The following PRKN variants were observed in gnomAD, a reference collection of about 807,000 sequenced individuals.
PRKN encodes the protein parkin RBR E3 ubiquitin protein ligase.
In PRKN, 56 loss-of-function variants were observed where a neutral mutation model predicts 59.5. That is an observed-to-expected ratio of 0.94 (90% CI 0.76 to 1.18). PRKN has a LOEUF of 1.18. Among genes scored for constraint, PRKN ranks in the 50% most tolerant of loss-of-function variants. The pLI, the probability that PRKN is intolerant of heterozygous loss-of-function variation, is 0.00. For missense variants in PRKN, 657 were observed against 596.4 expected (o/e 1.10, Z -1.06); for synonymous variants, 250 against 222.1 (o/e 1.13, Z -1.12).
chr6:161,944,040 A>G (rs1562407593), intron 6 of PRKN, among the ~76,000 whole-genome samples: 1 of 143,966 alleles, frequency 6.9e-6, no homozygotes, highest in Non-Finnish European at 1.5e-5. Flanking sequence ...AATCAGCCTG[A>G]GGGACCAGCC....
intron 1 of PRKN, among the ~76,000 whole-genome samples, chr6:162,610,242 C>T (rs1782091566): frequency 6.6e-6 from 1 of 152,208 alleles, no homozygotes; most frequent in Non-Finnish European, 1.5e-5. Context: ...GTATGTAAAT[C>T]ATCCAAGGTC....
rs538627675 is a variant in PRKN, at chr6:162,076,094, T to C, written c.535-21920A>G. 4.8e-3 allele frequency among the ~76,000 whole-genome samples: 724 copies of C among 150,882 alleles called. 15 individuals carry two copies. Among genetic ancestry groups the C allele is most frequent in the African/African-American group, 0.016 (675 of 40,990 alleles). On this transcript the variant is annotated intron_variant, in intron 4 of 11. Coordinates refer to ENST00000366898, the MANE Select transcript of PRKN (RefSeq NM_004562.3). ...AGTGATTCTCCTGCCTCAACCTCCC[T>C]AGTAGCTGGGATTATAGGCATGTGC...
chr6:161,382,989 A>G (rs1338140917), intron 10 of PRKN, among the ~76,000 whole-genome samples: 2 of 152,220 alleles, frequency 1.3e-5, no homozygotes, highest in Admixed American at 6.5e-5. Context: ...ACTGAATGGA[A>G]TTGAAAGAAA....
intron 9 of PRKN, among the ~76,000 whole-genome samples, chr6:161,496,738 T>C (rs1163799790): frequency 1.3e-5 from 2 of 152,094 alleles, no homozygotes; most frequent in East Asian, 3.9e-4. Context: ...CCAAAGTAGG[T>C]TGGCTCTAAC....
intron 7 of PRKN, among the ~76,000 whole-genome samples, chr6:161,727,698 C>T (rs140149432): frequency 5.5e-4 from 84 of 152,288 alleles, no homozygotes; most frequent in Middle Eastern, 6.8e-3. Flanking sequence ...CAACTTAACA[C>T]ACAGGCATCA....
intron 3 of PRKN, among the ~76,000 whole-genome samples, chr6:162,214,409 G>T (rs1020562742): frequency 2.0e-5 from 3 of 152,086 alleles, no homozygotes; most frequent in African/African-American, 7.2e-5. Context: ...GTGTAGTTGG[G>T]GATGGCAGCC....
intron 3 of PRKN, among the ~76,000 whole-genome samples, chr6:162,225,694 G>A (rs1355447947): frequency 6.6e-6 from 1 of 151,922 alleles, no homozygotes; most frequent in Non-Finnish European, 1.5e-5. Flanking sequence ...TAATAAATGT[G>A]CTTTGACCAA....
chr6:161,974,160 G>T (rs969467973), intron 5 of PRKN, among the ~76,000 whole-genome samples: 1 of 152,110 alleles, frequency 6.6e-6, no homozygotes, highest in South Asian at 2.1e-4. Flanking sequence ...CTAGCTACTC[G>T]AGAGGCTGAG....
intron 7 of PRKN, among the ~76,000 whole-genome samples, chr6:161,656,475 C>A (rs923871272): frequency 1.3e-5 from 2 of 152,206 alleles, no homozygotes; most frequent in Non-Finnish European, 2.9e-5. Context: ...GCACTCTCTG[C>A]AGCACCCCCC....
rs552190433 is a variant in PRKN, at chr6:161,992,915, T to C, written c.619-19498A>G. On this transcript the variant is annotated intron_variant, in intron 5 of 11. Coordinates refer to ENST00000366898, the MANE Select transcript of PRKN (RefSeq NM_004562.3). ...AAAAATTTCTTGAGAGAATTAAAAA[T>C]GGAAATGTAATATATTAAAACCCGT... 3.2e-3 allele frequency among the ~76,000 whole-genome samples: 488 copies of C among 152,138 alleles called. 3 individuals are homozygous for C. The highest frequency in any genetic ancestry group is 5.3e-3 in the Non-Finnish European group (362 of 67,982).
At position 161,546,519 on chromosome 6, in the gene PRKN, G is replaced by C. The variant is rs188333200; in HGVS notation, c.1083+2335C>G. Among the ~76,000 whole-genome samples the C allele has an allele frequency of 1.8e-4, 28 of 152,312 alleles. No individual in the cohort carries two copies. The highest frequency in any genetic ancestry group is 1.1e-3 in the Admixed American group (17 of 15,300). On this transcript the variant is annotated intron_variant, in intron 9 of 11. Coordinates refer to ENST00000366898, the MANE Select transcript of PRKN (RefSeq NM_004562.3). This position sits in a 1 kb window ranked among gnomAD's most constrained non-coding sequence, Gnocchi z 4.4. ...GGACATAAGCTTGCAAAAGTGTATG[G>C]AGACTGGGGCAAAAAGACAGGGAGG...
At chr6:161,702,231 T>A (rs1324649393) in intron 7 of PRKN, among the ~76,000 whole-genome samples, 1 of 152,044 alleles carries the variant, frequency 6.6e-6, no homozygotes, top group Non-Finnish European at 1.5e-5. Flanking sequence ...CTACCAAAAT[T>A]AGGTAAAAAG....
rs115979402 is a variant in PRKN, at chr6:161,569,288, C to A, written c.933+67G>T. The A allele has an allele frequency of 2.2e-3, 3,161 of 1,441,688 alleles. 63 individuals are homozygous for A. The African/African-American group carries it at 0.039, about 18-fold the overall frequency. 89.3% of individuals were successfully genotyped at this position (1,441,688 alleles called of 1,614,324 possible). ...AGACATACTCGGCCTCCCTGGGGAG[C>A]CCAAACTGTCTCATTAGCGTCTATC... is the stretch of plus-strand genomic sequence containing the variant. On this transcript the variant is annotated intron_variant, in intron 8 of 11. Coordinates refer to ENST00000366898, the MANE Select transcript of PRKN (RefSeq NM_004562.3).
Position 161,934,648 on chromosome 6 carries a change from A to G in PRKN, c.734+38654T>C, listed in dbSNP as rs904789081. On this transcript the variant is annotated intron_variant, in intron 6 of 11. Transcript: ENST00000366898. ...AGGGCAAAAAATGTTGCCTCACTTA[A>G]GGAAGAGCTAAGATTCTTTACAATT... Among the ~76,000 whole-genome samples the G allele has an allele frequency of 7.2e-5, 11 of 152,324 alleles. No homozygotes were observed. The East Asian group carries it at 2.1e-3, about 29-fold the overall frequency.
At chr6:162,213,743 A>T (rs900503178) in intron 3 of PRKN, among the ~76,000 whole-genome samples, 1 of 151,164 alleles carries the variant, frequency 6.6e-6, no homozygotes, top group Non-Finnish European at 1.5e-5. Flanking sequence ...TTAAAAAAAT[A>T]AAAAAAATGT....
intron 6 of PRKN, among the ~76,000 whole-genome samples, chr6:161,798,661 C>A (rs999862513): frequency 5.3e-5 from 8 of 152,114 alleles, no homozygotes; most frequent in East Asian, 1.9e-4. Context: ...CCCTGGGAGA[C>A]TTATGAGAGG....
chr6:161,371,670 GCT>G lies in PRKN; in HGVS notation c.1168-11467_1168-11466del, dbSNP rs1785449929. Among the ~76,000 whole-genome samples, 1 of 151,670 alleles carries G rather than the reference GCT, an allele frequency of 6.6e-6. No homozygotes were observed. The highest frequency in any genetic ancestry group is 6.6e-5 in the Admixed American group (1 of 15,240). ...TTATCTATTTTTGAGACGGAGTTTTGCTCTGTCACCTAGGCTGGAGTGCAATG... is the reference window on the plus strand; with the variant it reads ...TTATCTATTTTTGAGACGGAGTTTTGCTGTCACCTAGGCTGGAGTGCAATG... On this transcript the variant is annotated intron_variant, in intron 10 of 11. Transcript: ENST00000366898. The surrounding 1 kb of genome is among the most constrained non-coding windows in gnomAD (Gnocchi z 5.5).
At chr6:162,514,684 C>G (rs977216475) in intron 1 of PRKN, among the ~76,000 whole-genome samples, 1 of 152,144 alleles carries the variant, frequency 6.6e-6, no homozygotes, top group Non-Finnish European at 1.5e-5. Flanking sequence ...AATCCCAGCA[C>G]TTTGGGAGGC....
rs1788541532 is a variant in PRKN at position 161,429,345 on chromosome 6, T to A, written c.1084-42468A>T. Among the ~76,000 whole-genome samples, 1 of 152,150 alleles carries A rather than the reference T, an allele frequency of 6.6e-6. No homozygotes were observed. The highest frequency in any genetic ancestry group is 2.4e-5 in the African/African-American group (1 of 41,424). On this transcript the variant is annotated intron_variant, in intron 9 of 11. Transcript: ENST00000366898. This position sits in a 1 kb window ranked among gnomAD's most constrained non-coding sequence, Gnocchi z 4.2. Reference sequence around the variant, plus strand: ...CCCTCAGGGAGCTTATAGTCAGTCATGGGCAAGTAAACAGGTCATTATAAC... The same window carrying A: ...CCCTCAGGGAGCTTATAGTCAGTCAAGGGCAAGTAAACAGGTCATTATAAC...
Sources: allele counts gnomAD v4.1 joint callset (sites outside exome capture counted in the v4.1 genomes callset), GRCh38; gene constraint gnomAD v4.1.1; non-coding constraint Gnocchi (gnomAD v3.1); transcripts MANE v1.5; gene names NCBI Gene and HGNC (gene_info 2026-07-23, HGNC 2026-07-21).